Variants in SEMA5A observed in about 807,000 individuals in gnomAD.
SEMA5A encodes the protein semaphorin-5A.
A neutral mutation model predicts 135.5 loss-of-function variants in SEMA5A; 55 were observed. That is an observed-to-expected ratio of 0.41 (90% CI 0.33 to 0.51). SEMA5A has a LOEUF of 0.51. SEMA5A is among the 20% of genes least tolerant of loss of function. The probability of loss-of-function intolerance (pLI) is 0.37; values close to 1 mark genes in which losing one functional copy is unlikely to be tolerated. For synonymous variants in SEMA5A, 580 were observed against 546.5 expected, an observed-to-expected ratio of 1.06 and a Z score of -0.85; for missense variants, 1,290 against 1,419.9, an observed-to-expected ratio of 0.91 and a Z score of 1.47.
chr5:9,485,422 G>T (rs560068833), intron 1 of SEMA5A, among the ~76,000 whole-genome samples: 1 of 152,240 alleles, frequency 6.6e-6, no homozygotes, highest in Non-Finnish European at 1.5e-5. Flanking sequence ...GAACTAAAAA[G>T]GTTGCTGGAA....
chr5:9,135,353 TG>T (rs1200196899), intron 13 of SEMA5A, among the ~76,000 whole-genome samples: 1 of 151,896 alleles, frequency 6.6e-6, no homozygotes, highest in Non-Finnish European at 1.5e-5. Flanking sequence ...GCTAATTTTT[TG>T]TATTTTTTAG....
At chr5:9,196,965 T>G (rs995217051) in intron 10 of SEMA5A, among the ~76,000 whole-genome samples, 1 of 152,168 alleles carries the variant, frequency 6.6e-6, no homozygotes, top group Non-Finnish European at 1.5e-5. Context: ...AAAAGGCCCT[T>G]TCTGGGTCCA....
At chr5:9,434,228 AGTAT>A (rs1321367903) in intron 2 of SEMA5A, among the ~76,000 whole-genome samples, 6 of 152,220 alleles carry the variant, frequency 3.9e-5, no homozygotes, top group African/African-American at 1.4e-4. Flanking sequence ...AATATGAGAA[AGTAT>A]GTATAAGTGA....
intron 10 of SEMA5A, among the ~76,000 whole-genome samples, chr5:9,195,313 A>G (rs3846577): frequency 6.6e-6 from 1 of 152,112 alleles, no homozygotes; most frequent in African/African-American, 2.4e-5. Context: ...CTATAGATGC[A>G]TGACACCGTG....
At chr5:9,200,968 C>A (rs1745672112) in intron 9 of SEMA5A, among the ~76,000 whole-genome samples, 1 of 152,212 alleles carries the variant, frequency 6.6e-6, no homozygotes, top group Non-Finnish European at 1.5e-5. Context: ...GGGATAATCT[C>A]AGGCAATTCA....
At chr5:9,287,832 C>G (rs1289283896) in intron 5 of SEMA5A, among the ~76,000 whole-genome samples, 4 of 151,946 alleles carry the variant, frequency 2.6e-5, no homozygotes, top group African/African-American at 9.7e-5. Flanking sequence ...AAGTCTTGCT[C>G]TAGCCAATTA....
intron 13 of SEMA5A, among the ~76,000 whole-genome samples, chr5:9,127,384 G>C (rs781087010): frequency 4.3e-4 from 66 of 152,164 alleles, no homozygotes; most frequent in African/African-American, 1.5e-3. Flanking sequence ...GTAAGAGCAT[G>C]TACTTAGCGC....
chr5:9,333,079 T>C (rs1378524094), intron 4 of SEMA5A, among the ~76,000 whole-genome samples: 1 of 152,188 alleles, frequency 6.6e-6, no homozygotes. Flanking sequence ...AATTGAGTAA[T>C]TGGATGAAAA....
Position 9,182,159 on chromosome 5 carries a change from CCA to C in SEMA5A, c.1273+8106_1273+8107del, listed in dbSNP as rs1560995525. 4.3e-5 allele frequency among the ~76,000 whole-genome samples: 6 copies of C among 140,996 alleles called. No individual in the cohort carries two copies. The East Asian group carries it at 6.6e-4, about 16-fold the overall frequency. The allele number at this position is 140,996 out of a possible 152,430, so 92.5% of individuals were successfully genotyped here. On this transcript the variant is annotated intron_variant, in intron 11 of 22. Coordinates refer to ENST00000382496, the MANE Select transcript of SEMA5A (RefSeq NM_003966.3). ...TGTTTTATTGCTTCTGCCCCCCACC[CCA>C]AAAAAAAATACGCTTCCTGAGGACA...
intron 1 of SEMA5A, among the ~76,000 whole-genome samples, chr5:9,455,088 A>G (rs1343262736): frequency 6.6e-6 from 1 of 152,192 alleles, no homozygotes; most frequent in Non-Finnish European, 1.5e-5. Context: ...AGTTACAAAT[A>G]GGATTCAGGT....
intron 18 of SEMA5A, among the ~76,000 whole-genome samples, chr5:9,061,227 C>A (rs564512264): frequency 6.6e-6 from 1 of 152,248 alleles, no homozygotes; most frequent in African/African-American, 2.4e-5. Flanking sequence ...CATAACACTG[C>A]ATCTGTGTAT....
chr5:9,542,907 T>A (rs569208271), intron 1 of SEMA5A, among the ~76,000 whole-genome samples: 58 of 152,344 alleles, frequency 3.8e-4, no homozygotes, highest in Non-Finnish European at 4.7e-4. Context: ...CATAATGCAA[T>A]GCCTTTATAC....
chr5:9,087,244 T>C (rs1252374399), intron 16 of SEMA5A, among the ~76,000 whole-genome samples: 1 of 152,236 alleles, frequency 6.6e-6, no homozygotes, highest in Non-Finnish European at 1.5e-5. Flanking sequence ...AGCACTACAT[T>C]GCAATTAAAA....
intron 1 of SEMA5A, among the ~76,000 whole-genome samples, chr5:9,439,626 A>G (rs950805877): frequency 1.2e-4 from 19 of 152,204 alleles, no homozygotes; most frequent in Non-Finnish European, 1.5e-5. Context: ...AATATGGGTC[A>G]GTCTCTTAAA....
intron 16 of SEMA5A, among the ~76,000 whole-genome samples, chr5:9,090,867 C>T (rs536856527): frequency 1.2e-4 from 19 of 152,278 alleles, no homozygotes; most frequent in African/African-American, 2.4e-4. Flanking sequence ...AAGATAGTTA[C>T]GAGAGCATGA....
At chr5:9,511,657 A>G (rs988465716) in intron 1 of SEMA5A, among the ~76,000 whole-genome samples, 5 of 152,332 alleles carry the variant, frequency 3.3e-5, no homozygotes, top group South Asian at 4.1e-4. Flanking sequence ...AACTTATTGT[A>G]TATTTTAAAA....
chr5:9,540,030 GC>G (rs1737990046), intron 1 of SEMA5A, among the ~76,000 whole-genome samples: 1 of 152,128 alleles, frequency 6.6e-6, no homozygotes, highest in Admixed American at 6.5e-5. Context: ...TCCATGGTTA[GC>G]CCCCAAAAGT....
chr5:9,056,780 T>C (rs1469622202), intron 18 of SEMA5A, among the ~76,000 whole-genome samples: 2 of 152,174 alleles, frequency 1.3e-5, no homozygotes, highest in Admixed American at 1.3e-4. Flanking sequence ...CCTGGGTATA[T>C]ATCAAAAAAA....
At chr5:9,349,402 G>A (rs184832530) in intron 3 of SEMA5A, among the ~76,000 whole-genome samples, 61 of 152,290 alleles carry the variant, frequency 4.0e-4, no homozygotes, top group South Asian at 2.7e-3. Context: ...AGTTATATAA[G>A]ACAGACCTCT....
Sources: gnomAD v4.1 joint callset for allele counts (sites outside exome capture counted in the v4.1 genomes callset) on GRCh38, gnomAD v4.1.1 for gene constraint, MANE v1.5 for transcripts, NCBI Gene and HGNC (gene_info 2026-07-23, HGNC 2026-07-21) for gene names.